SYNJ1: variants seen among roughly 807,000 people sequenced by gnomAD.
SYNJ1 encodes the protein polyphosphatidylinositol phosphatase SYNJ1.
SYNJ1 carries 78 observed loss-of-function variants against 168.2 expected under a neutral mutation model. The ratio of observed to expected loss-of-function variants is 0.46; its 90% CI spans 0.39 to 0.56. SYNJ1 has a LOEUF of 0.56. Among genes scored for constraint, SYNJ1 ranks in the 20% least tolerant of loss-of-function variants. The pLI is 0.00. For synonymous variants in SYNJ1, 539 were observed against 548.6 expected, an observed-to-expected ratio of 0.98 and a Z score of 0.24; for missense variants, 1,303 against 1,597.6, an observed-to-expected ratio of 0.82 and a Z score of 3.14.
intron 4 of SYNJ1, among the ~76,000 whole-genome samples, chr21:32,698,573 T>A (rs143955315): frequency 1.8e-3 from 273 of 152,324 alleles, no homozygotes; most frequent in African/African-American, 5.9e-3. Flanking sequence ...AAAGTCAACA[T>A]CAATGCTGGC....
chr21:32,637,603 A>G (rs1347581136), intron 31 of SYNJ1, among the ~76,000 whole-genome samples: 1 of 152,014 alleles, frequency 6.6e-6, no homozygotes, highest in East Asian at 1.9e-4. Flanking sequence ...AACAAAAGAG[A>G]CAGGGTTTCA....
At chr21:32,667,086 C>T (rs1028662421) in intron 15 of SYNJ1, among the ~76,000 whole-genome samples, 3 of 142,916 alleles carry the variant, frequency 2.1e-5, no homozygotes, top group African/African-American at 7.8e-5. Context: ...AATAACGATA[C>T]AAAAAAGTCT....
intron 17 of SYNJ1, 28 bp downstream of exon 17, chr21:32,665,915 T>C (rs780666110): frequency 1.3e-6 from 2 of 1,554,952 alleles, no homozygotes; most frequent in East Asian, 2.3e-5. Context: ...CAAAGCTTTA[T>C]CTTCAAGAAC....
chr21:32,690,002 A>C (rs939147630), intron 6 of SYNJ1, among the ~76,000 whole-genome samples: 2 of 152,224 alleles, frequency 1.3e-5, no homozygotes, highest in African/African-American at 4.8e-5. Flanking sequence ...CACTCCATAC[A>C]AGTTCAAAAC....
rs924801472 is a variant in SYNJ1, at chr21:32,685,688, T to G, written c.1118+60A>C. 6 of 1,307,974 alleles carry G rather than the reference T, an allele frequency of 4.6e-6. No individual in the cohort carries two copies. The African/African-American group carries it at 7.6e-5, about 17-fold the overall frequency. The allele number at this position is 1,307,974 out of a possible 1,614,324, so 81.0% of individuals were successfully genotyped here. ...AAAAAGAAAATTTAAGAGTTCAACG[T>G]TAAGAATAATTTTTAATTAATGTTC... On this transcript the variant is annotated intron_variant, in intron 9 of 32. Transcript: ENST00000674351.
In SYNJ1 at chr21:32,656,879, A is replaced by G. The variant is rs542283936; in HGVS notation, c.2603T>C (p.Ile868Thr). The G allele has an allele frequency of 6.2e-6, 10 of 1,614,034 alleles. No individual in the cohort carries two copies. Among genetic ancestry groups the G allele is most frequent in the Middle Eastern group, 1.6e-4 (1 of 6,084 alleles). Reference protein sequence around the residue: ...DHRPVVALIDIDIFEVEAEER... With the variant: ...DHRPVVALIDTDIFEVEAEER... ...TTCAGCTTCAACTTCAAATATATCT[A>G]TATCAATCAGGGCAACGACAGGCCT... Residue 868 changes from isoleucine to threonine, a missense_variant, in exon 21 of 33, where the codon ATA (isoleucine) becomes ACA (threonine). Around this residue, in one of 2 missense-constraint regions of SYNJ1, gnomAD observed 920 missense variants for 1,208.8 expected, o/e 0.76. Transcript: ENST00000674351.
rs1601394343 is a variant in SYNJ1 at position 32,678,629 on chromosome 21, T to A, written c.1510+16A>T. 6.4e-7 allele frequency: 1 copy of A among 1,561,026 alleles called. No individual in the cohort carries two copies. Among genetic ancestry groups the A allele is most frequent in the African/African-American group, 1.4e-5 (1 of 71,576 alleles). ...TTAGGAATATAAATAACAAATAAAA[T>A]ATAAAGTGCACATACCACGCAAACT... is the stretch of plus-strand genomic sequence containing the variant. On this transcript the variant is annotated intron_variant, in intron 12 of 32. Coordinates refer to ENST00000674351, the MANE Select transcript of SYNJ1 (RefSeq NM_203446.3).
chr21:32,686,060 A>G, intron 8 of SYNJ1, 143 bp from the exon 9 acceptor site: 1 of 741,536 alleles, frequency 1.3e-6, no homozygotes. Context: ...ACGGTGACAC[A>G]ATTAACATCA....
At position 32,699,834 on chromosome 21, in the gene SYNJ1, T is replaced by A; in HGVS notation, c.479+4A>T. On this transcript the variant is annotated splice_donor_region_variant and intron_variant, in intron 4 of 32. Coordinates refer to ENST00000674351, the MANE Select transcript of SYNJ1 (RefSeq NM_203446.3). ...AATCACCAAAAGGGAAAAAATGAAC[T>A]CACCAGAAAAATCTATTATCAGTTG... 6.2e-7 allele frequency: 1 copy of A among 1,604,336 alleles called. No homozygotes were observed. The highest frequency in any genetic ancestry group is 8.5e-7 in the Non-Finnish European group (1 of 1,175,318).
intron 10 of SYNJ1, among the ~76,000 whole-genome samples, chr21:32,681,925 G>T (rs1026954353): frequency 6.6e-6 from 1 of 152,006 alleles, no homozygotes; most frequent in Admixed American, 6.6e-5. Context: ...AATCAGAGTT[G>T]TTTACCTTGC....
intron 14 of SYNJ1, 141 bp downstream of exon 14, chr21:32,673,199 A>T: frequency 1.7e-6 from 1 of 587,258 alleles, no homozygotes; most frequent in Non-Finnish European, 2.6e-6. Context: ...TGTGATCTTT[A>T]AAGATGTTGT....
chr21:32,704,888 G>A (rs963370901), intron 2 of SYNJ1, among the ~76,000 whole-genome samples: 2 of 152,038 alleles, frequency 1.3e-5, no homozygotes, highest in Admixed American at 6.5e-5. Context: ...GGTGGCTCAC[G>A]TCTGTAATCC....
chr21:32,710,785 T>C (rs1042415670), intron 2 of SYNJ1, among the ~76,000 whole-genome samples: 1 of 152,042 alleles, frequency 6.6e-6, no homozygotes, highest in African/African-American at 2.4e-5. Context: ...CAAACACTCA[T>C]CAAATAGTAA....
In SYNJ1 at chr21:32,664,916, T is replaced by C. The variant is rs138073731; in HGVS notation, c.2301A>G (p.Gly767=). 2 of 1,607,450 alleles carry C rather than the reference T, an allele frequency of 1.2e-6. No homozygotes were observed. Among genetic ancestry groups the C allele is most frequent in the African/African-American group, 2.7e-5 (2 of 74,682 alleles). The change falls in exon 18 of 33, where the codon GGA becomes GGG. Residue 767 remains glycine (G), a synonymous_variant. Transcript: ENST00000674351. ...GDQLINQKNA[G]QVFRGFLEGK... is the part of the protein sequence containing the mutation. ...ATTTTCTCAAGTATAGATATACCTG[T>C]CCAGCATTTTTCTGATTGATAAGTT...
chr21:32,694,005 A>G (rs567205545), intron 6 of SYNJ1, among the ~76,000 whole-genome samples: 2 of 152,346 alleles, frequency 1.3e-5, no homozygotes, highest in South Asian at 2.1e-4. Flanking sequence ...CACTAAATAC[A>G]GCAGCTCAAT....
Position 32,673,221 on chromosome 21 carries a change from T to C in SYNJ1, c.1726+119A>G, listed in dbSNP as rs890584444. 9 of 828,036 alleles carry C rather than the reference T, an allele frequency of 1.1e-5. No individual in the cohort carries two copies. The Admixed American group carries it at 3.0e-4, about 28-fold the overall frequency. The allele number at this position is 828,036 out of a possible 1,614,324, so 51.3% of individuals were successfully genotyped here. A position where few individuals can be genotyped will look rare whatever the true frequency, so the allele number is the denominator to read the frequency against. On this transcript the variant is annotated intron_variant, in intron 14 of 32. Coordinates refer to ENST00000674351, the MANE Select transcript of SYNJ1 (RefSeq NM_203446.3). Reference sequence around the variant, plus strand: ...TTTAAAGATGTTGTTGGTCTTCAAATGTATAGCTCCAAGTTTCTTTCATCA... The same window carrying C: ...TTTAAAGATGTTGTTGGTCTTCAAACGTATAGCTCCAAGTTTCTTTCATCA...
chr21:32,728,046 C>T (rs2122963754), upstream of SYNJ1: 1 of 1,529,722 alleles, frequency 6.5e-7, no homozygotes, highest in South Asian at 1.2e-5. Context: ...CGCATTGCGC[C>T]GCGGCCGGGG....
At chr21:32,718,120 T>C (rs895321464) in intron 2 of SYNJ1, among the ~76,000 whole-genome samples, 11 of 152,204 alleles carry the variant, frequency 7.2e-5, no homozygotes, top group African/African-American at 2.7e-4. Context: ...GCTCCCGTTA[T>C]AGTCCTGAGT....
chr21:32,711,160 G>A (rs781180629), intron 2 of SYNJ1, among the ~76,000 whole-genome samples: 3 of 152,048 alleles, frequency 2.0e-5, no homozygotes, highest in African/African-American at 4.8e-5. Flanking sequence ...ACTTTTCCTC[G>A]TTAAGCTACT....
Sources: allele counts gnomAD v4.1 joint callset (sites outside exome capture counted in the v4.1 genomes callset), GRCh38; gene constraint gnomAD v4.1.1; regional missense constraint gnomAD v4.1.1; transcripts MANE v1.5; gene names NCBI Gene and HGNC (gene_info 2026-07-23, HGNC 2026-07-21).